The following TMEM132D variants were observed in gnomAD, a reference collection of about 807,000 sequenced individuals.
TMEM132D encodes the protein mature OL transmembrane protein.
In TMEM132D, 21 loss-of-function variants were observed where a neutral mutation model predicts 62.3. The ratio of observed to expected loss-of-function variants is 0.34; its 90% confidence interval spans 0.24 to 0.49. The LOEUF (loss-of-function observed/expected upper bound fraction) is 0.49. TMEM132D is among the 20% of genes least tolerant of loss of function. TMEM132D has a pLI of 0.99. For synonymous variants in TMEM132D, 621 were observed against 575.6 expected (o/e 1.08, Z -1.13); for missense variants, 1,346 against 1,402.8 (o/e 0.96, Z 0.65).
intron 3 of TMEM132D, among the ~76,000 whole-genome samples, chr12:129,499,402 T>C (rs564494743): frequency 7.1e-4 from 108 of 152,262 alleles, no homozygotes; most frequent in Non-Finnish European, 1.4e-3. Context: ...AGGAAAGCCA[T>C]GAATATGAGA....
chr12:129,089,911 G>A (rs1874851362), intron 5 of TMEM132D, among the ~76,000 whole-genome samples: 1 of 152,224 alleles, frequency 6.6e-6, no homozygotes, highest in African/African-American at 2.4e-5. Flanking sequence ...TCCTGCCTGA[G>A]GGCTCTCTTG....
At chr12:129,122,447 T>C (rs983280820) in intron 5 of TMEM132D, among the ~76,000 whole-genome samples, 2 of 152,220 alleles carry the variant, frequency 1.3e-5, no homozygotes, top group African/African-American at 4.8e-5. Context: ...CCTGTGAATT[T>C]GCTGCTAGAC....
chr12:129,617,260 AAAT>A (rs1319041593), intron 2 of TMEM132D, among the ~76,000 whole-genome samples: 4 of 152,322 alleles, frequency 2.6e-5, no homozygotes, highest in Non-Finnish European at 5.9e-5. Context: ...GAAGAATGGA[AAAT>A]AATTAAAGGA....
At chr12:129,709,385 T>C (rs1230638887) in intron 1 of TMEM132D, among the ~76,000 whole-genome samples, 1 of 152,236 alleles carries the variant, frequency 6.6e-6, no homozygotes, top group Non-Finnish European at 1.5e-5. Flanking sequence ...AGAAAGGATA[T>C]GTAACTATTT....
intron 3 of TMEM132D, among the ~76,000 whole-genome samples, chr12:129,449,707 G>A (rs1331365096): frequency 6.6e-6 from 1 of 152,210 alleles, no homozygotes; most frequent in African/African-American, 2.4e-5. Flanking sequence ...AGCACACCAA[G>A]TGTGAATCCA....
At chr12:129,815,207 C>T (rs145885815) in intron 1 of TMEM132D, among the ~76,000 whole-genome samples, 7 of 152,184 alleles carry the variant, frequency 4.6e-5, no homozygotes, top group African/African-American at 1.4e-4. Context: ...TGGATTCATA[C>T]GCAGCTATTA....
chr12:129,609,183 G>A (rs924464196), intron 2 of TMEM132D, among the ~76,000 whole-genome samples: 9 of 152,020 alleles, frequency 5.9e-5, no homozygotes, highest in Non-Finnish European at 1.3e-4. Context: ...GACCTCAGGC[G>A]ATCTGCCAAC....
chr12:129,842,706 C>G (rs1040117054), intron 1 of TMEM132D, among the ~76,000 whole-genome samples: 7 of 152,022 alleles, frequency 4.6e-5, no homozygotes, highest in African/African-American at 1.7e-4. Flanking sequence ...TGGGCTCAAG[C>G]GATCCTCCAG....
chr12:129,802,450 T>A, intron 1 of TMEM132D, among the ~76,000 whole-genome samples: 2 of 94,006 alleles, frequency 2.1e-5, no homozygotes, highest in Non-Finnish European at 2.3e-5. Flanking sequence ...GCTTCATAAG[T>A]GAAGGAGAAA....
At chr12:129,459,415 G>C (rs1357095049) in intron 3 of TMEM132D, among the ~76,000 whole-genome samples, 2 of 152,162 alleles carry the variant, frequency 1.3e-5, no homozygotes, top group African/African-American at 4.8e-5. Context: ...AGTTGTTCTA[G>C]GTACTGATGC....
chr12:129,387,207 A>C (rs143574898), intron 3 of TMEM132D, among the ~76,000 whole-genome samples: 1 of 121,156 alleles, frequency 8.3e-6, no homozygotes, highest in African/African-American at 3.9e-5. Context: ...ACTAACAATA[A>C]TACCAACACT....
At chr12:129,669,850 G>C (rs1880463710) in intron 2 of TMEM132D, among the ~76,000 whole-genome samples, 1 of 152,048 alleles carries the variant, frequency 6.6e-6, no homozygotes, top group South Asian at 2.1e-4. Flanking sequence ...TTAAACACTG[G>C]AGTAAAACTA....
intron 2 of TMEM132D, among the ~76,000 whole-genome samples, chr12:129,649,770 AT>A (rs1381494835): frequency 6.6e-6 from 1 of 151,886 alleles, no homozygotes; most frequent in East Asian, 1.9e-4. Flanking sequence ...ATGTATGTGT[AT>A]ATGTGTGTAT....
At chr12:129,307,709 G>A (rs938398129) in intron 4 of TMEM132D, among the ~76,000 whole-genome samples, 1 of 152,112 alleles carries the variant, frequency 6.6e-6, no homozygotes, top group Non-Finnish European at 1.5e-5. Flanking sequence ...TGTAACTGCA[G>A]ATCATTCGAA....
intron 2 of TMEM132D, among the ~76,000 whole-genome samples, chr12:129,620,535 G>A (rs1338458317): frequency 6.6e-6 from 1 of 152,178 alleles, no homozygotes; most frequent in African/African-American, 2.4e-5. Context: ...GGAGGCGGAG[G>A]TTGCAGTCAG....
chr12:129,732,100 T>A (rs1263438391), intron 1 of TMEM132D, among the ~76,000 whole-genome samples: 2 of 152,028 alleles, frequency 1.3e-5, no homozygotes, highest in African/African-American at 4.8e-5. Context: ...GCTGACCAAC[T>A]CCCAAGGCTG....
intron 3 of TMEM132D, among the ~76,000 whole-genome samples, chr12:129,405,051 CA>C (rs1230697806): frequency 1.3e-5 from 2 of 152,142 alleles, no homozygotes; most frequent in African/African-American, 4.8e-5. Context: ...CTTTCAATAT[CA>C]TTTTAATTTT....
intron 1 of TMEM132D, among the ~76,000 whole-genome samples, chr12:129,872,560 C>T (rs1347573066): frequency 6.6e-6 from 1 of 152,180 alleles, no homozygotes; most frequent in Non-Finnish European, 1.5e-5. Context: ...CAAACTTGCT[C>T]CCACCAAGGG....
intron 3 of TMEM132D, among the ~76,000 whole-genome samples, chr12:129,421,806 G>A (rs1231496011): frequency 6.6e-6 from 1 of 152,054 alleles, no homozygotes; most frequent in Non-Finnish European, 1.5e-5. Flanking sequence ...GCCAAGTTTT[G>A]TCATCATGGT....
Sources: allele counts gnomAD v4.1 joint callset (sites outside exome capture counted in the v4.1 genomes callset), GRCh38; gene constraint gnomAD v4.1.1; transcripts MANE v1.5; gene names NCBI Gene and HGNC (gene_info 2026-07-23, HGNC 2026-07-21).